Variants in RPS6KC1 observed in about 807,000 individuals in gnomAD.
RPS6KC1 encodes the protein inactive ribosomal protein S6 kinase delta-1.
Under a neutral mutation model 103.8 loss-of-function variants are expected in RPS6KC1, and 54 were observed. The ratio of observed to expected loss-of-function variants is 0.52; its 90% CI spans 0.42 to 0.65. The LOEUF (loss-of-function observed/expected upper bound fraction) is 0.65, where lower values mean the gene tolerates loss of function less well. RPS6KC1 is among the 30% of genes least tolerant of loss of function. The pLI, the probability that RPS6KC1 is intolerant of heterozygous loss-of-function variation, is 0.00. For missense variants in RPS6KC1, 1,151 were observed against 1,253.8 expected (o/e 0.92, Z 1.24); for synonymous variants, 439 against 438.7 (o/e 1.00, Z -0.01).
chr1:213,606,252 T>G, the RPS6KC1 span, among the ~76,000 whole-genome samples: 2 of 152,128 alleles, frequency 1.3e-5, no homozygotes, highest in Non-Finnish European at 2.9e-5. Flanking sequence ...ACCCTCTTAT[T>G]TTTGTAGTGT....
chr1:213,223,019 C>T lies in RPS6KC1; in HGVS notation c.1045-7478C>T, dbSNP rs146908908. On this transcript the variant is annotated intron_variant, in intron 8 of 14. Transcript: ENST00000366960. The stretch of plus-strand genomic sequence containing the variant: ...GTTGGGAAAAACTTATTTGCAAAAT[C>T]GGTCTAGTACTATTTTCTCTAGTTT... Among the ~76,000 whole-genome samples the T allele has an allele frequency of 4.7e-3, 712 of 152,254 alleles. 8 individuals carry two copies. The highest frequency in any genetic ancestry group is 6.3e-3 in the Non-Finnish European group (429 of 68,002).
chr1:213,412,441 G>A, the RPS6KC1 span, among the ~76,000 whole-genome samples: 2 of 152,190 alleles, frequency 1.3e-5, no homozygotes, highest in African/African-American at 2.4e-5. Flanking sequence ...ACCACCTTAC[G>A]TCATGCCCCA....
chr1:213,070,979 G>C, intron 1 of RPS6KC1, 27 bp from the exon 2 acceptor site: 5 of 1,410,452 alleles, frequency 3.5e-6, no homozygotes, highest in Non-Finnish European at 3.9e-6. Context: ...ATAATGATTA[G>C]AGATTTCTAT....
intron 8 of RPS6KC1, among the ~76,000 whole-genome samples, chr1:213,191,282 T>C (rs1476944493): frequency 6.6e-6 from 1 of 152,234 alleles, no homozygotes; most frequent in Non-Finnish European, 1.5e-5. Flanking sequence ...GAACATGGAA[T>C]ATCTTTCCCT....
the RPS6KC1 span, among the ~76,000 whole-genome samples, chr1:213,280,741 A>T: frequency 3.9e-5 from 6 of 152,322 alleles, no homozygotes; most frequent in South Asian, 1.2e-3. Context: ...TTTTGTTTAT[A>T]AAGGGCCAAG....
the RPS6KC1 span, among the ~76,000 whole-genome samples, chr1:213,787,940 C>G: frequency 6.6e-6 from 1 of 151,994 alleles, no homozygotes; most frequent in South Asian, 2.1e-4. Flanking sequence ...GGCCAGGACA[C>G]CAGTAGAATG....
At chr1:213,771,379 C>T in the RPS6KC1 span, among the ~76,000 whole-genome samples, 1 of 152,084 alleles carries the variant, frequency 6.6e-6, no homozygotes, top group South Asian at 2.1e-4. Context: ...CAGAACCGCT[C>T]AGTAATTATG....
chr1:213,209,907 C>T (rs74503858), intron 8 of RPS6KC1, among the ~76,000 whole-genome samples: 5,540 of 152,044 alleles, frequency 0.036, 285 homozygotes, highest in African/African-American at 0.12. Context: ...ATAGGACAAC[C>T]TACAGGCATT....
chr1:213,515,847 T>C, the RPS6KC1 span, among the ~76,000 whole-genome samples: 1 of 152,214 alleles, frequency 6.6e-6, no homozygotes, highest in Non-Finnish European at 1.5e-5. Context: ...CGATATTGAT[T>C]CTTCCTACCC....
intron 4 of RPS6KC1, among the ~76,000 whole-genome samples, chr1:213,112,504 TTTTTG>T (rs1417055909): frequency 6.6e-6 from 1 of 150,654 alleles, no homozygotes; most frequent in Non-Finnish European, 1.5e-5. Context: ...ACCTTAATTT[TTTTTG>T]TTTTACCTAT....
chr1:213,076,467 T>G (rs1286258504), intron 2 of RPS6KC1, among the ~76,000 whole-genome samples: 1 of 152,200 alleles, frequency 6.6e-6, no homozygotes, highest in Non-Finnish European at 1.5e-5. Context: ...TAGAAAACTT[T>G]GTTAGAACTG....
At chr1:213,188,357 G>A (rs1175626158) in intron 8 of RPS6KC1, among the ~76,000 whole-genome samples, 1 of 151,976 alleles carries the variant, frequency 6.6e-6, no homozygotes, top group Non-Finnish European at 1.5e-5. Flanking sequence ...TGGAGGGGGA[G>A]GGGTGTCACA....
the RPS6KC1 span, among the ~76,000 whole-genome samples, chr1:213,629,275 G>C: frequency 1.3e-5 from 2 of 151,920 alleles, no homozygotes; most frequent in East Asian, 3.9e-4. Flanking sequence ...TCCTGTATTG[G>C]GTGCATATAT....
the RPS6KC1 span, among the ~76,000 whole-genome samples, chr1:213,712,087 G>A: frequency 2.6e-3 from 398 of 152,324 alleles, 1 homozygote; most frequent in African/African-American, 8.9e-3. Context: ...AGGCAGGAAC[G>A]TTTACGTGTA....
At chr1:213,723,968 C>T in the RPS6KC1 span, among the ~76,000 whole-genome samples, 4 of 152,296 alleles carry the variant, frequency 2.6e-5, no homozygotes, top group Admixed American at 2.6e-4. Context: ...TCATCTAACT[C>T]ATCCCCAACC....
the RPS6KC1 span, among the ~76,000 whole-genome samples, chr1:213,563,640 G>C: frequency 6.6e-6 from 1 of 151,898 alleles, no homozygotes; most frequent in Non-Finnish European, 1.5e-5. Flanking sequence ...ATTATATCCT[G>C]TACACTTGAC....
At chr1:213,745,490 C>A in the RPS6KC1 span, among the ~76,000 whole-genome samples, 1 of 151,632 alleles carries the variant, frequency 6.6e-6, no homozygotes, top group Non-Finnish European at 1.5e-5. Context: ...CCCAACTCAG[C>A]TGAGGAAAAT....
intron 3 of RPS6KC1, among the ~76,000 whole-genome samples, chr1:213,091,685 A>T (rs2080978335): frequency 6.6e-6 from 1 of 152,308 alleles, no homozygotes; most frequent in African/African-American, 2.4e-5. Flanking sequence ...TAAGGAAAAA[A>T]TTTTAAAGTA....
chr1:213,785,218 G>C, the RPS6KC1 span, among the ~76,000 whole-genome samples: 1 of 152,032 alleles, frequency 6.6e-6, no homozygotes, highest in Non-Finnish European at 1.5e-5. Flanking sequence ...TATCAAATTA[G>C]CCATATCAAT....
Sources: allele counts gnomAD v4.1 joint callset (sites outside exome capture counted in the v4.1 genomes callset), GRCh38; gene constraint gnomAD v4.1.1; transcripts MANE v1.5; gene names NCBI Gene and HGNC (gene_info 2026-07-23, HGNC 2026-07-21).